Variants in FRMD6 observed in about 807,000 individuals in gnomAD.
The protein encoded by FRMD6 is FERM domain-containing protein 6.
In FRMD6, 37 loss-of-function variants were observed where a neutral mutation model predicts 73.2. The ratio of observed to expected loss-of-function variants is 0.51; its 90% CI spans 0.39 to 0.66. The LOEUF is 0.66. Ranked by LOEUF, FRMD6 falls within the 30% of genes least tolerant of loss-of-function variation. FRMD6 has a pLI of 0.00. For missense variants in FRMD6, 714 were observed against 780.5 expected (o/e 0.91, Z 1.02); for synonymous variants, 273 against 282.2 (o/e 0.97, Z 0.33).
chr14:51,416,965 A>G, the FRMD6 span, among the ~76,000 whole-genome samples: 1 of 152,002 alleles, frequency 6.6e-6, no homozygotes, highest in Non-Finnish European at 1.5e-5. Context: ...ATCAGAGACT[A>G]GTATTGCAAC....
At chr14:51,515,368 A>G (rs1156345686) in intron 1 of FRMD6, among the ~76,000 whole-genome samples, 1 of 152,194 alleles carries the variant, frequency 6.6e-6, no homozygotes, top group Non-Finnish European at 1.5e-5. Context: ...TTCTCCATCC[A>G]TCACCTTTTG....
intron 1 of FRMD6, among the ~76,000 whole-genome samples, chr14:51,553,159 T>C (rs1479689122): frequency 6.6e-6 from 1 of 152,234 alleles, no homozygotes; most frequent in Non-Finnish European, 1.5e-5. Context: ...TGGAGCTCTG[T>C]TGGAGTTAAA....
chr14:51,723,765 ACT>A (rs1387757993), intron 12 of FRMD6, among the ~76,000 whole-genome samples: 4 of 121,802 alleles, frequency 3.3e-5, no homozygotes, highest in African/African-American at 9.2e-5. Context: ...AAAGAGTGAG[ACT>A]CTGTCAAAAA....
At chr14:51,441,624 T>C in the FRMD6 span, among the ~76,000 whole-genome samples, 2 of 152,192 alleles carry the variant, frequency 1.3e-5, no homozygotes, top group African/African-American at 4.8e-5. Flanking sequence ...CTCAAATCTG[T>C]GAAAGAGAGG....
At chr14:51,684,069 A>G (rs188312373) in intron 1 of FRMD6, among the ~76,000 whole-genome samples, 4 of 152,148 alleles carry the variant, frequency 2.6e-5, no homozygotes, top group African/African-American at 9.7e-5. Flanking sequence ...GCCATGAAAC[A>G]GAGTGTTCAG....
At chr14:51,479,042 G>A in the FRMD6 span, among the ~76,000 whole-genome samples, 8 of 152,168 alleles carry the variant, frequency 5.3e-5, no homozygotes, top group South Asian at 1.7e-3. Context: ...TGTTGGCCAG[G>A]GCAGAATTAA....
the FRMD6 span, among the ~76,000 whole-genome samples, chr14:51,445,493 A>ACAAT: frequency 0.87 from 131,864 of 150,872 alleles, 57,849 homozygotes; most frequent in African/African-American, 0.91. Context: ...TTTTTTACAA[A>ACAAT]CAAATCTCCA....
At chr14:51,407,960 T>C in the FRMD6 span, among the ~76,000 whole-genome samples, 1 of 152,222 alleles carries the variant, frequency 6.6e-6, no homozygotes, top group Non-Finnish European at 1.5e-5. Flanking sequence ...GCATAAACTC[T>C]ATAGCATTCC....
At chr14:51,707,519 T>G (rs1282403891) in intron 6 of FRMD6, among the ~76,000 whole-genome samples, 14 of 152,170 alleles carry the variant, frequency 9.2e-5, no homozygotes, top group Non-Finnish European at 1.5e-5. Context: ...CAATGAGTGT[T>G]TGAATGAAAC....
chr14:51,503,244 G>A (rs1348982571), intron 1 of FRMD6, among the ~76,000 whole-genome samples: 1 of 152,182 alleles, frequency 6.6e-6, no homozygotes, highest in African/African-American at 2.4e-5. Flanking sequence ...TTGAATAGGA[G>A]TGGTGAGAGG....
At chr14:51,599,494 G>T (rs1020658107) in intron 2 of FRMD6, among the ~76,000 whole-genome samples, 1 of 152,018 alleles carries the variant, frequency 6.6e-6, no homozygotes, top group Non-Finnish European at 1.5e-5. Flanking sequence ...TGGCAAATAG[G>T]ACCTAATTAA....
At chr14:51,604,288 T>C (rs2139823781) in intron 2 of FRMD6, among the ~76,000 whole-genome samples, 1 of 152,272 alleles carries the variant, frequency 6.6e-6, no homozygotes, top group East Asian at 1.9e-4. Context: ...ATGTGTAAGA[T>C]ACAGTACATT....
In FRMD6 at chr14:51,573,931, G is replaced by T. The variant is rs552631885; in HGVS notation, c.-147+3521G>T. Among the ~76,000 whole-genome samples the T allele has an allele frequency of 6.6e-5, 10 of 152,232 alleles. No individual in the cohort carries two copies. In the South Asian group the frequency reaches 1.7e-3, roughly 25 times the overall value. ...TTAGGGAAAGAAACGAGACAAGATTGCTTTCTAGGAGGCATTTCCAGAATC... is the reference window on the plus strand; with the variant it reads ...TTAGGGAAAGAAACGAGACAAGATTTCTTTCTAGGAGGCATTTCCAGAATC... On this transcript the variant is annotated intron_variant, in intron 2 of 14. Coordinates refer to the FRMD6 transcript ENST00000356218.
At chr14:51,682,086 C>T (rs1286537066) in intron 1 of FRMD6, among the ~76,000 whole-genome samples, 1 of 151,980 alleles carries the variant, frequency 6.6e-6, no homozygotes, top group Admixed American at 6.6e-5. Context: ...TATTAATTGC[C>T]CAATATGCTT....
At chr14:51,416,172 A>G in the FRMD6 span, among the ~76,000 whole-genome samples, 1 of 151,882 alleles carries the variant, frequency 6.6e-6, no homozygotes, top group Non-Finnish European at 1.5e-5. Context: ...CTCTGATCTT[A>G]GTTATTTCTT....
upstream of FRMD6, among the ~76,000 whole-genome samples, chr14:51,485,138 C>G (rs535627153): frequency 2.0e-5 from 3 of 152,180 alleles, no homozygotes; most frequent in Non-Finnish European, 2.9e-5. Flanking sequence ...TTTAAGGCGT[C>G]TAAGAACATG....
chr14:51,643,279 G>C (rs965676091), intron 2 of FRMD6, among the ~76,000 whole-genome samples: 10 of 152,186 alleles, frequency 6.6e-5, no homozygotes, highest in African/African-American at 2.4e-4. Context: ...TTCAGAGTGG[G>C]ATGAGGAACC....
the FRMD6 span, among the ~76,000 whole-genome samples, chr14:51,431,289 A>G: frequency 6.3e-4 from 96 of 152,130 alleles, 1 homozygote; most frequent in East Asian, 0.015. Flanking sequence ...TCTAAAATAG[A>G]CTCCTTATTT....
chr14:51,433,521 C>G, the FRMD6 span, among the ~76,000 whole-genome samples: 1 of 152,174 alleles, frequency 6.6e-6, no homozygotes, highest in Non-Finnish European at 1.5e-5. Context: ...TACATATCTG[C>G]TCATTTGTGC....
Sources: allele counts gnomAD v4.1 joint callset (sites outside exome capture counted in the v4.1 genomes callset), GRCh38; gene constraint gnomAD v4.1.1; transcripts MANE v1.5; gene names NCBI Gene and HGNC (gene_info 2026-07-23, HGNC 2026-07-21).